The following PRKN variants were observed in gnomAD, a reference collection of about 807,000 sequenced individuals.
PRKN encodes E3 ubiquitin-protein ligase parkin.
In PRKN, 56 loss-of-function variants were observed where a neutral mutation model predicts 59.5. That is an observed-to-expected ratio of 0.94 (90% CI 0.76 to 1.18). The LOEUF (loss-of-function observed/expected upper bound fraction) is 1.18, where lower values mean the gene tolerates loss of function less well. Ranked by LOEUF, PRKN falls within the 50% of genes most tolerant of loss-of-function variation. The probability of loss-of-function intolerance (pLI) is 0.00; values close to 1 mark genes in which losing one functional copy is unlikely to be tolerated. For synonymous variants in PRKN, 250 were observed against 222.1 expected (o/e 1.13, Z -1.12); for missense variants, 657 against 596.4 (o/e 1.10, Z -1.06).
chr6:161,486,185 C>T (rs1791634865), intron 9 of PRKN, among the ~76,000 whole-genome samples: 2 of 152,018 alleles, frequency 1.3e-5, no homozygotes, highest in Admixed American at 1.3e-4. Flanking sequence ...TTCTATATTT[C>T]ATTACGTTGC....
rs1424424198 is a variant in PRKN at position 161,533,574 on chromosome 6, G to C, written c.1083+15280C>G. On this transcript the variant is annotated intron_variant, in intron 9 of 11. Transcript: ENST00000366898. This position sits in a 1 kb window ranked among gnomAD's most constrained non-coding sequence, Gnocchi z 4.1. ...AGCCCATTTGCATAATAAGATTAGG[G>C]TGGGGCGACCAGCCTTCTTCGCGTG... Among the ~76,000 whole-genome samples the C allele has an allele frequency of 2.6e-5, 4 of 152,130 alleles. No homozygotes were observed. Among genetic ancestry groups the C allele is most frequent in the African/African-American group, 9.7e-5 (4 of 41,420 alleles).
At chr6:162,040,892 G>C (rs1462222529) in intron 5 of PRKN, among the ~76,000 whole-genome samples, 2 of 151,928 alleles carry the variant, frequency 1.3e-5, no homozygotes, top group Non-Finnish European at 2.9e-5. Context: ...GTGGAGGGCA[G>C]GAGGGAAAGT....
chr6:162,255,323 G>A (rs1037779303), intron 3 of PRKN, among the ~76,000 whole-genome samples: 11 of 152,118 alleles, frequency 7.2e-5, no homozygotes, highest in African/African-American at 2.7e-4. Context: ...ATGGATAACA[G>A]ATAGTCAGCA....
In PRKN at chr6:161,596,678, C is replaced by T. The variant is rs954300271; in HGVS notation, c.872-27262G>A. On this transcript the variant is annotated intron_variant, in intron 7 of 11. Transcript: ENST00000366898. ...GTGGTCCCTATGCTCATAATTAAGT[C>T]GGTGCATTTCTGTCTGGAAGGAGAG... 4.6e-5 allele frequency among the ~76,000 whole-genome samples: 7 copies of T among 152,076 alleles called. No individual in the cohort carries two copies. In the South Asian group the frequency reaches 1.0e-3, roughly 23 times the overall value.
At chr6:162,383,143 A>G (rs1464698420) in intron 2 of PRKN, among the ~76,000 whole-genome samples, 1 of 152,140 alleles carries the variant, frequency 6.6e-6, no homozygotes. Context: ...GTTAATGTTA[A>G]TATTTTGACC....
chr6:162,486,923 A>G (rs1374200073), intron 1 of PRKN, among the ~76,000 whole-genome samples: 3 of 152,068 alleles, frequency 2.0e-5, no homozygotes, highest in African/African-American at 4.8e-5. Flanking sequence ...CACAAAAATT[A>G]GCCGGGCGTG....
rs1000043123 is a variant in PRKN at position 161,530,244 on chromosome 6, G to A, written c.1083+18610C>T. 2.0e-5 allele frequency among the ~76,000 whole-genome samples: 3 copies of A among 152,162 alleles called. No homozygotes were observed. Among genetic ancestry groups the A allele is most frequent in the African/African-American group, 2.4e-5 (1 of 41,440 alleles). The stretch of plus-strand genomic sequence containing the variant: ...CTGGAGGTCATAGTCCAAAGGAAGG[G>A]TTGTAAATTTAGACATTTTTTGAAG... On this transcript the variant is annotated intron_variant, in intron 9 of 11. Coordinates refer to ENST00000366898, the MANE Select transcript of PRKN (RefSeq NM_004562.3). This position sits in a 1 kb window ranked among gnomAD's most constrained non-coding sequence, Gnocchi z 5.0.
intron 9 of PRKN, among the ~76,000 whole-genome samples, chr6:161,430,152 G>GAGAC (rs966179458): frequency 1.7e-4 from 26 of 152,248 alleles, no homozygotes; most frequent in South Asian, 1.2e-3. Flanking sequence ...TCAACAGAGG[G>GAGAC]AGACATTGTC....
chr6:162,218,347 G>A (rs1777789071), intron 3 of PRKN, among the ~76,000 whole-genome samples: 1 of 152,118 alleles, frequency 6.6e-6, no homozygotes, highest in Admixed American at 6.5e-5. Context: ...GACATCAGGA[G>A]GCTGTCGTGA....
chr6:162,303,299 A>G (rs192419557), intron 2 of PRKN, among the ~76,000 whole-genome samples: 186 of 152,218 alleles, frequency 1.2e-3, no homozygotes, highest in Middle Eastern at 3.4e-3. Context: ...AAGAACTTTG[A>G]TTTTTGCCTC....
intron 5 of PRKN, among the ~76,000 whole-genome samples, chr6:162,009,247 T>C (rs972999568): frequency 2.0e-5 from 3 of 151,832 alleles, no homozygotes; most frequent in African/African-American, 7.3e-5. Flanking sequence ...AGCAAGACTC[T>C]GTCTTGGAGA....
intron 6 of PRKN, among the ~76,000 whole-genome samples, chr6:161,862,894 G>GT (rs1793964010): frequency 6.6e-6 from 1 of 152,098 alleles, no homozygotes; most frequent in Non-Finnish European, 1.5e-5. Context: ...TGATGTCAGA[G>GT]GTACAAGACA....
At chr6:162,506,251 CAAAAAA>C (rs10528135) in intron 1 of PRKN, among the ~76,000 whole-genome samples, 15,278 of 95,336 alleles carry the variant, frequency 0.16, 942 homozygotes, top group Non-Finnish European at 0.22. Context: ...AAAGAGGAAG[CAAAAAA>C]AAAAAAAAAA....
At chr6:161,929,000 C>G (rs947736500) in intron 6 of PRKN, among the ~76,000 whole-genome samples, 4 of 152,108 alleles carry the variant, frequency 2.6e-5, no homozygotes. Context: ...AACGAGGACT[C>G]AAACCCACAC....
chr6:162,149,550 G>A (rs2128313274), intron 4 of PRKN, among the ~76,000 whole-genome samples: 1 of 152,166 alleles, frequency 6.6e-6, no homozygotes, highest in East Asian at 1.9e-4. Flanking sequence ...AGCCAAGACT[G>A]TACATTTTTC....
chr6:161,936,788 ATT>A (rs72306983), intron 6 of PRKN, among the ~76,000 whole-genome samples: 146 of 139,102 alleles, frequency 1.0e-3, no homozygotes, highest in Middle Eastern at 3.7e-3. Flanking sequence ...TTTGTTTCAT[ATT>A]TTTTTTTTTT....
At chr6:162,055,577 T>C (rs1305803768) in intron 4 of PRKN, among the ~76,000 whole-genome samples, 1 of 152,022 alleles carries the variant, frequency 6.6e-6, no homozygotes, top group Non-Finnish European at 1.5e-5. Flanking sequence ...TCTCCCCAGC[T>C]GTGACACAGA....
chr6:162,464,785 C>T (rs1322067433), intron 1 of PRKN, among the ~76,000 whole-genome samples: 3 of 151,130 alleles, frequency 2.0e-5, no homozygotes, highest in Non-Finnish European at 4.4e-5. Flanking sequence ...GCCGAGATCG[C>T]GCCACTGCAC....
At chr6:162,317,667 G>C (rs1162539569) in intron 2 of PRKN, among the ~76,000 whole-genome samples, 1 of 152,042 alleles carries the variant, frequency 6.6e-6, no homozygotes, top group African/African-American at 2.4e-5. Flanking sequence ...ACTGAAAGTA[G>C]TCTGCCTGAA....
Sources: gnomAD v4.1 joint callset for allele counts (sites outside exome capture counted in the v4.1 genomes callset) on GRCh38, gnomAD v4.1.1 for gene constraint, Gnocchi (gnomAD v3.1) non-coding constraint, MANE v1.5 for transcripts, NCBI Gene and HGNC (gene_info 2026-07-23, HGNC 2026-07-21) for gene names.